Variants in ZNF536 observed in about 807,000 individuals in gnomAD.
The protein encoded by ZNF536 is zinc finger protein 536.
A neutral mutation model predicts 84.5 loss-of-function variants in ZNF536; 13 were observed. The observed-to-expected ratio is 0.15, with a 90% confidence interval of 0.10 to 0.24. The LOEUF (loss-of-function observed/expected upper bound fraction) is 0.24, where lower values mean the gene tolerates loss of function less well. Ranked by LOEUF, ZNF536 falls within the 10% of genes least tolerant of loss-of-function variation. The pLI is 1.00. For synonymous variants in ZNF536, 811 were observed against 742.5 expected (o/e 1.09, Z -1.50); for missense variants, 1,536 against 1,747.5 (o/e 0.88, Z 2.16).
upstream of ZNF536, chr19:30,228,374 A>G (rs1432898735): frequency 1.3e-5 from 2 of 151,974 alleles, no homozygotes; most frequent in Non-Finnish European, 2.9e-5. The surrounding 1 kb of genome is among the most constrained non-coding windows in gnomAD (Gnocchi z 4.5). Flanking sequence ...TTTGATGGTG[A>G]AATAGTAAAC....
chr19:30,285,304 G>A (rs2045588230), intron 2 of ZNF536, among the ~76,000 whole-genome samples: 1 of 152,076 alleles, frequency 6.6e-6, no homozygotes, highest in African/African-American at 2.4e-5. Context: ...GTAATCCTGG[G>A]CATGTGACTG....
intron 2 of ZNF536, among the ~76,000 whole-genome samples, chr19:30,294,514 C>T (rs1212281836): frequency 6.6e-6 from 1 of 151,550 alleles, no homozygotes; most frequent in Non-Finnish European, 1.5e-5. Flanking sequence ...GGGAATCATT[C>T]ACCAAATTTC....
intron 1 of ZNF536, among the ~76,000 whole-genome samples, chr19:30,704,081 A>T (rs1422991618): frequency 6.6e-6 from 1 of 152,146 alleles, no homozygotes; most frequent in African/African-American, 2.4e-5. Flanking sequence ...ACCAAAGGCC[A>T]TCCTGGAGTG....
chr19:30,516,629 C>T lies in ZNF536; in HGVS notation c.2171-18218C>T, dbSNP rs569833682. On this transcript the variant is annotated intron_variant, in intron 2 of 4. Transcript: ENST00000355537. The stretch of plus-strand genomic sequence containing the variant: ...TGACTCTGTGGGCCAGCCCTTCGCT[C>T]GGCTCTGTTGATGATTACGAGACAG... 6.6e-5 allele frequency among the ~76,000 whole-genome samples: 10 copies of T among 152,278 alleles called. No homozygotes were observed. The South Asian group carries it at 1.0e-3, about 16-fold the overall frequency.
intron 1 of ZNF536, among the ~76,000 whole-genome samples, chr19:30,385,410 G>A (rs781520224): frequency 5.9e-5 from 9 of 152,102 alleles, no homozygotes; most frequent in Non-Finnish European, 1.0e-4. Flanking sequence ...CTGCCTGACG[G>A]GTGTCTCCCT....
At chr19:30,488,611 A>T (rs2903445) in intron 2 of ZNF536, among the ~76,000 whole-genome samples, 2,218 of 151,712 alleles carry the variant, frequency 0.015, 43 homozygotes, top group African/African-American at 0.051. Flanking sequence ...TCTTCTGAGC[A>T]TCGAATCACA....
intron 1 of ZNF536, among the ~76,000 whole-genome samples, chr19:30,591,275 G>T (rs2047268818): frequency 2.0e-5 from 3 of 152,182 alleles, no homozygotes; most frequent in Admixed American, 2.0e-4. Flanking sequence ...TCTCTCCCAG[G>T]CTGTTTGTAT....
At chr19:30,312,105 A>T (rs1277538683) in intron 2 of ZNF536, among the ~76,000 whole-genome samples, 1 of 152,156 alleles carries the variant, frequency 6.6e-6, no homozygotes, top group African/African-American at 2.4e-5. Flanking sequence ...TGAATGAGTG[A>T]GTCTCACTTC....
At chr19:30,682,787 G>A (rs573389975) in intron 1 of ZNF536, among the ~76,000 whole-genome samples, 2 of 152,222 alleles carry the variant, frequency 1.3e-5, no homozygotes, top group African/African-American at 2.4e-5. Flanking sequence ...CTCTGGCCCC[G>A]GAGGTGCCCT....
intron 1 of ZNF536, among the ~76,000 whole-genome samples, chr19:30,265,045 G>A (rs911618024): frequency 6.6e-6 from 1 of 151,698 alleles, no homozygotes; most frequent in African/African-American, 2.4e-5. Context: ...AGAAAGTGCA[G>A]TTTGTCACAG....
chr19:30,388,138 G>T (rs1250129001), intron 1 of ZNF536, among the ~76,000 whole-genome samples: 2 of 152,178 alleles, frequency 1.3e-5, no homozygotes, highest in Admixed American at 6.5e-5. Context: ...AAAAGACAAG[G>T]GTGTGTCTAT....
intron 2 of ZNF536, among the ~76,000 whole-genome samples, chr19:30,449,967 G>A (rs564220912): frequency 5.3e-5 from 8 of 151,372 alleles, no homozygotes; most frequent in African/African-American, 1.2e-4. Context: ...CCCTGCCCCC[G>A]TTCACGATAA....
At chr19:30,651,770 T>C (rs1345943160) in intron 1 of ZNF536, among the ~76,000 whole-genome samples, 1 of 152,076 alleles carries the variant, frequency 6.6e-6, no homozygotes, top group East Asian at 1.9e-4. Flanking sequence ...TGTTGAAAAA[T>C]TCAAGAATTT....
At chr19:30,640,644 T>C (rs569476316) in intron 1 of ZNF536, among the ~76,000 whole-genome samples, 1 of 152,326 alleles carries the variant, frequency 6.6e-6, no homozygotes, top group Admixed American at 6.5e-5. Flanking sequence ...TTTGCTGACC[T>C]GGTGTTTGTA....
intron 1 of ZNF536, among the ~76,000 whole-genome samples, chr19:30,692,736 A>G (rs936630383): frequency 2.6e-5 from 4 of 152,104 alleles, no homozygotes; most frequent in African/African-American, 9.7e-5. Flanking sequence ...TACAAGATTT[A>G]AAGGGGAGAG....
intron 2 of ZNF536, among the ~76,000 whole-genome samples, chr19:30,504,206 C>CTCCCTTCCTTCCCTTCTTCTT (rs1220906227): frequency 3.2e-4 from 49 of 151,280 alleles, no homozygotes; most frequent in Non-Finnish European, 1.0e-4. Flanking sequence ...CTATTCTTCC[C>CTCCCTTCCTTCCCTTCTTCTT]TCCCTTCCTT....
chr19:30,423,211 T>G (rs554704338), intron 1 of ZNF536, among the ~76,000 whole-genome samples: 36 of 151,354 alleles, frequency 2.4e-4, no homozygotes, highest in African/African-American at 8.7e-4. Context: ...CTCCCTTACT[T>G]TCTTCCTTTC....
chr19:30,701,730 G>A (rs1202765739), intron 1 of ZNF536, among the ~76,000 whole-genome samples: 1 of 152,228 alleles, frequency 6.6e-6, no homozygotes, highest in Admixed American at 6.5e-5. Context: ...GAGAAGACAT[G>A]AAGTTGAATT....
At chr19:30,313,599 A>G (rs1381499604) in intron 2 of ZNF536, among the ~76,000 whole-genome samples, 1 of 152,158 alleles carries the variant, frequency 6.6e-6, no homozygotes, top group African/African-American at 2.4e-5. Flanking sequence ...AAAGCCTCCC[A>G]GGGCCAGAGA....
Sources: gnomAD v4.1 joint callset for allele counts (sites outside exome capture counted in the v4.1 genomes callset) on GRCh38, gnomAD v4.1.1 for gene constraint, Gnocchi (gnomAD v3.1) non-coding constraint, MANE v1.5 for transcripts, NCBI Gene and HGNC (gene_info 2026-07-23, HGNC 2026-07-21) for gene names.